PRELID2: variants seen among roughly 807,000 people sequenced by gnomAD.
The protein encoded by PRELID2 is PRELI domain-containing protein 2.
In PRELID2, 25 loss-of-function variants were observed where a neutral mutation model predicts 28.4. The ratio of observed to expected loss-of-function variants is 0.88; its 90% CI spans 0.64 to 1.23. The LOEUF is 1.23. Among genes scored for constraint, PRELID2 ranks in the 50% most tolerant of loss-of-function variants. The pLI, the probability that PRELID2 is intolerant of heterozygous loss-of-function variation, is 0.00. For missense variants in PRELID2, 201 were observed against 214.4 expected (o/e 0.94, Z 0.39); for synonymous variants, 76 against 71.6 (o/e 1.06, Z -0.31).
chr5:145,726,317 G>T (rs537409924), intron 1 of PRELID2, among the ~76,000 whole-genome samples: 1 of 142,712 alleles, frequency 7.0e-6, no homozygotes, highest in East Asian at 2.0e-4. Flanking sequence ...GAGAGAGAGA[G>T]AGAAAGAGAG....
chr5:145,333,868 G>A, the PRELID2 span, among the ~76,000 whole-genome samples: 208 of 150,370 alleles, frequency 1.4e-3, no homozygotes, highest in African/African-American at 4.8e-3. Context: ...CTGCCCAAAC[G>A]GTCGCCCAGT....
chr5:145,326,817 G>C, the PRELID2 span, among the ~76,000 whole-genome samples: 10 of 151,912 alleles, frequency 6.6e-5, no homozygotes, highest in African/African-American at 2.2e-4. Flanking sequence ...CAGAAAAAAA[G>C]CATTAACTAT....
At chr5:145,528,726 C>CACAGAG (rs1475264275) in intron 1 of PRELID2, among the ~76,000 whole-genome samples, 1 of 53,528 alleles carries the variant, frequency 1.9e-5, no homozygotes, top group African/African-American at 6.3e-5. Flanking sequence ...CACACACACA[C>CACAGAG]AGAGAGAGAG....
At chr5:145,405,175 A>T in the PRELID2 span, among the ~76,000 whole-genome samples, 1 of 152,194 alleles carries the variant, frequency 6.6e-6, no homozygotes, top group African/African-American at 2.4e-5. Flanking sequence ...AAATATAATT[A>T]AAAACAAAAT....
At chr5:145,263,545 G>T in the PRELID2 span, among the ~76,000 whole-genome samples, 2 of 151,818 alleles carry the variant, frequency 1.3e-5, no homozygotes, top group South Asian at 2.1e-4. Flanking sequence ...GAAACAAAAA[G>T]CTGGTTCTTT....
At chr5:145,659,693 G>A (rs1318913733) in intron 1 of PRELID2, among the ~76,000 whole-genome samples, 1 of 152,184 alleles carries the variant, frequency 6.6e-6, no homozygotes, top group Non-Finnish European at 1.5e-5. Context: ...AGGGAGATAT[G>A]GACCTCAGAA....
the PRELID2 span, among the ~76,000 whole-genome samples, chr5:145,281,810 G>A: frequency 1.3e-5 from 2 of 152,092 alleles, no homozygotes; most frequent in Admixed American, 1.3e-4. Context: ...GTATGGACTT[G>A]GGTTAAAATA....
intron 5 of PRELID2, among the ~76,000 whole-genome samples, chr5:145,769,651 C>G (rs1757983170): frequency 6.6e-6 from 1 of 152,164 alleles, no homozygotes; most frequent in East Asian, 1.9e-4. Context: ...ATTGCTCATT[C>G]AATTATCAGT....
chr5:145,241,479 C>T, the PRELID2 span, among the ~76,000 whole-genome samples: 4 of 152,006 alleles, frequency 2.6e-5, no homozygotes, highest in South Asian at 8.3e-4. Context: ...TTTCGTTGCT[C>T]TTGTCATAGC....
the PRELID2 span, among the ~76,000 whole-genome samples, chr5:145,314,243 T>C: frequency 3.3e-5 from 5 of 152,240 alleles, no homozygotes; most frequent in Admixed American, 3.3e-4. Context: ...CCAGCATTTT[T>C]TAAGAATTAA....
the PRELID2 span, among the ~76,000 whole-genome samples, chr5:145,330,557 G>C: frequency 6.6e-6 from 1 of 152,122 alleles, no homozygotes; most frequent in South Asian, 2.1e-4. Flanking sequence ...TAGTTTATTT[G>C]CATAGAGATG....
chr5:145,822,388 A>G (rs924811585), intron 2 of PRELID2, among the ~76,000 whole-genome samples: 1 of 152,232 alleles, frequency 6.6e-6, no homozygotes, highest in Non-Finnish European at 1.5e-5. Context: ...CTCTGTGGCA[A>G]CTGGTCAACT....
the PRELID2 span, among the ~76,000 whole-genome samples, chr5:145,386,834 C>T: frequency 6.6e-6 from 1 of 152,122 alleles, no homozygotes; most frequent in Non-Finnish European, 1.5e-5. Flanking sequence ...GGAGCTTCAA[C>T]CTCTGGAATC....
chr5:145,328,020 T>G, the PRELID2 span, among the ~76,000 whole-genome samples: 1 of 151,984 alleles, frequency 6.6e-6, no homozygotes, highest in African/African-American at 2.4e-5. Flanking sequence ...CACTTACAAG[T>G]GAGAACATGT....
the PRELID2 span, among the ~76,000 whole-genome samples, chr5:145,453,325 T>C: frequency 1.3e-5 from 2 of 152,274 alleles, no homozygotes; most frequent in Admixed American, 6.5e-5. Context: ...AATGAGACTA[T>C]TGATTCAAAA....
the PRELID2 span, among the ~76,000 whole-genome samples, chr5:145,354,842 T>C: frequency 2.4e-4 from 36 of 152,240 alleles, 1 homozygote; most frequent in East Asian, 6.2e-3. Context: ...TGGAACCTAA[T>C]CAACTGGGCA....
At chr5:145,278,637 AC>A in the PRELID2 span, among the ~76,000 whole-genome samples, 1 of 152,152 alleles carries the variant, frequency 6.6e-6, no homozygotes, top group South Asian at 2.1e-4. Flanking sequence ...CATGGAGGTG[AC>A]ACGCTGTTAC....
the PRELID2 span, among the ~76,000 whole-genome samples, chr5:145,280,939 A>AT: frequency 6.6e-6 from 1 of 151,766 alleles, no homozygotes; most frequent in Admixed American, 6.6e-5. Flanking sequence ...GGGGAAATGC[A>AT]TTTTTTTTAC....
intron 1 of PRELID2, among the ~76,000 whole-genome samples, chr5:145,504,954 T>C (rs1310795487): frequency 2.0e-5 from 3 of 152,178 alleles, no homozygotes; most frequent in Admixed American, 6.6e-5. Context: ...GGACTATAAA[T>C]ACTCTGCAGT....
Sources: allele counts gnomAD v4.1 joint callset (sites outside exome capture counted in the v4.1 genomes callset), GRCh38; gene constraint gnomAD v4.1.1; transcripts MANE v1.5; gene names NCBI Gene and HGNC (gene_info 2026-07-23, HGNC 2026-07-21).